Variants in MAP2 observed in about 807,000 individuals in gnomAD.
MAP2 encodes microtubule-associated protein 2.
Under a neutral mutation model 137.6 loss-of-function variants are expected in MAP2, and 14 were observed. The ratio of observed to expected loss-of-function variants is 0.10; its 90% confidence interval spans 0.07 to 0.16. The LOEUF is 0.16. MAP2 is among the 10% of genes least tolerant of loss of function. The probability of loss-of-function intolerance (pLI) is 1.00; values close to 1 mark genes in which losing one functional copy is unlikely to be tolerated. For synonymous variants in MAP2, 786 were observed against 782.3 expected, an observed-to-expected ratio of 1.00 and a Z score of -0.08; for missense variants, 2,088 against 2,191.5, an observed-to-expected ratio of 0.95 and a Z score of 0.94.
rs1290620803 is a variant in MAP2, at chr2:209,580,057, C to T, written c.-150C>T. On this transcript the variant is annotated 5_prime_UTR_variant, in exon 3 of 16. Transcript: ENST00000682079. Reference sequence around the variant, plus strand: ...GTAGATTCTTCAGCTTGTCTCTAACCGAGGAAGCATTGATTGGGAGCTACT... The same window carrying T: ...GTAGATTCTTCAGCTTGTCTCTAACTGAGGAAGCATTGATTGGGAGCTACT... 6.6e-6 allele frequency: 1 copy of T among 150,408 alleles called. No homozygotes were observed. Among genetic ancestry groups the T allele is most frequent in the Admixed American group, 6.6e-5 (1 of 15,100 alleles). 9.3% of individuals were successfully genotyped at this position (150,408 alleles called of 1,614,324 possible).
At chr2:209,581,775 C>T (rs765188769) in intron 3 of MAP2, among the ~76,000 whole-genome samples, 176 of 152,156 alleles carry the variant, frequency 1.2e-3, no homozygotes, top group Non-Finnish European at 1.0e-3. Context: ...GACTCCAATG[C>T]GTTGTCAATA....
intron 4 of MAP2, among the ~76,000 whole-genome samples, chr2:209,629,786 C>T (rs1022141712): frequency 6.6e-6 from 1 of 152,090 alleles, no homozygotes; most frequent in African/African-American, 2.4e-5. Flanking sequence ...TAACTAGAGA[C>T]AGAAAGAGGC....
chr2:209,653,889 T>A (rs10174385), intron 5 of MAP2, among the ~76,000 whole-genome samples: 5,691 of 152,306 alleles, frequency 0.037, 269 homozygotes, highest in South Asian at 0.22. Flanking sequence ...TTAGCTTTTC[T>A]ACATGCAAGG....
chr2:209,664,329 C>T (rs1177679677), intron 5 of MAP2, among the ~76,000 whole-genome samples: 1 of 151,856 alleles, frequency 6.6e-6, no homozygotes, highest in Non-Finnish European at 1.5e-5. Context: ...ATGGGCAGAT[C>T]ACTTGAGGTC....
intron 2 of MAP2, among the ~76,000 whole-genome samples, chr2:209,554,346 C>T (rs1374462129): frequency 6.6e-6 from 1 of 152,126 alleles, no homozygotes; most frequent in Non-Finnish European, 1.5e-5. Flanking sequence ...CCACAGCGTC[C>T]TATATTCTAG....
intron 1 of MAP2, among the ~76,000 whole-genome samples, chr2:209,500,790 TC>T (rs897399598): frequency 1.3e-5 from 2 of 152,102 alleles, no homozygotes; most frequent in African/African-American, 4.8e-5. Context: ...ATGCCTATAA[TC>T]TCAGCAATTT....
At chr2:209,536,000 A>G (rs939304728) in intron 2 of MAP2, among the ~76,000 whole-genome samples, 1 of 152,198 alleles carries the variant, frequency 6.6e-6, no homozygotes, top group African/African-American at 2.4e-5. Context: ...ATACTAAGAA[A>G]CAGAAAGTTA....
At chr2:209,575,394 G>A (rs1226737473) in intron 2 of MAP2, among the ~76,000 whole-genome samples, 3 of 151,634 alleles carry the variant, frequency 2.0e-5, no homozygotes, top group Non-Finnish European at 2.9e-5. Context: ...GATGGCGGGT[G>A]CCTGTAGTCC....
At chr2:209,586,408 T>C (rs984168511) in intron 3 of MAP2, among the ~76,000 whole-genome samples, 22 of 152,080 alleles carry the variant, frequency 1.4e-4, no homozygotes, top group African/African-American at 5.3e-4. Context: ...ACTTTTGAAG[T>C]GGTAAAGAAA....
chr2:209,512,209 A>T (rs2061815197), intron 2 of MAP2, among the ~76,000 whole-genome samples: 2 of 152,124 alleles, frequency 1.3e-5, no homozygotes, highest in Non-Finnish European at 2.9e-5. Flanking sequence ...CCTCTATCAA[A>T]ATATGCTAAT....
At chr2:209,497,167 C>A (rs1413943883) in intron 1 of MAP2, among the ~76,000 whole-genome samples, 1 of 152,048 alleles carries the variant, frequency 6.6e-6, no homozygotes, top group Non-Finnish European at 1.5e-5. Context: ...GTTCTAAGTG[C>A]CCGTGTGACT....
At chr2:209,432,852 T>C (rs13032935) in intron 1 of MAP2, among the ~76,000 whole-genome samples, 20,725 of 152,180 alleles carry the variant, frequency 0.14, 3,480 homozygotes, top group African/African-American at 0.4. Context: ...TGCAGATCTC[T>C]TAAAGTAAGA....
At chr2:209,624,762 T>G (rs1396574005) in intron 3 of MAP2, among the ~76,000 whole-genome samples, 1 of 152,186 alleles carries the variant, frequency 6.6e-6, no homozygotes, top group Non-Finnish European at 1.5e-5. Context: ...ATTTAAAAAT[T>G]TATTCTCCCT....
Position 209,691,458 on chromosome 2 carries a change from A to G in MAP2, c.455-1167A>G, listed in dbSNP as rs533095420. On this transcript the variant is annotated intron_variant, in intron 7 of 15. Coordinates refer to ENST00000682079, the MANE Select transcript of MAP2 (RefSeq NM_001375505.1). ...TTCATCTAACCTTTATTAGAAGTTC[A>G]TCAAGTATTTTTTTTTCTATTGTTA... Among the ~76,000 whole-genome samples, 34 of 148,244 alleles carry G rather than the reference A, an allele frequency of 2.3e-4. No homozygotes were observed. The East Asian group carries it at 5.7e-3, about 25-fold the overall frequency.
intron 1 of MAP2, among the ~76,000 whole-genome samples, chr2:209,483,981 A>AT (rs1311710381): frequency 1.3e-4 from 20 of 152,274 alleles, no homozygotes; most frequent in African/African-American, 4.1e-4. Flanking sequence ...CCAGGTTATC[A>AT]TCCCTGCAGG....
intron 1 of MAP2, among the ~76,000 whole-genome samples, chr2:209,452,146 C>A (rs565118042): frequency 1.3e-5 from 2 of 152,290 alleles, no homozygotes; most frequent in South Asian, 4.1e-4. Context: ...CATATCATTT[C>A]TTTGAGGTTA....
chr2:209,561,190 T>C (rs76372133), intron 2 of MAP2, among the ~76,000 whole-genome samples: 3,000 of 152,272 alleles, frequency 0.02, 95 homozygotes, highest in African/African-American at 0.068. Context: ...ATTGTATGAT[T>C]TATGTCGGAA....
At chr2:209,523,617 G>T (rs1053588290) in intron 2 of MAP2, among the ~76,000 whole-genome samples, 3 of 152,114 alleles carry the variant, frequency 2.0e-5, no homozygotes, top group African/African-American at 7.2e-5. Flanking sequence ...TCGTAATTCA[G>T]CAGTCAAACT....
At chr2:209,483,877 G>A (rs1182839431) in intron 1 of MAP2, among the ~76,000 whole-genome samples, 1 of 152,074 alleles carries the variant, frequency 6.6e-6, no homozygotes. Context: ...GCCAGGAAAG[G>A]TGGGTGACAG....
Sources: allele counts gnomAD v4.1 joint callset (sites outside exome capture counted in the v4.1 genomes callset), GRCh38; gene constraint gnomAD v4.1.1; transcripts MANE v1.5; gene names NCBI Gene and HGNC (gene_info 2026-07-23, HGNC 2026-07-21).